DOCK1: variants seen among roughly 807,000 people sequenced by gnomAD.
DOCK1 encodes dedicator of cytokinesis 1.
In DOCK1, 138 loss-of-function variants were observed where a neutral mutation model predicts 262.7. The ratio of observed to expected loss-of-function variants is 0.53; its 90% CI spans 0.46 to 0.61. DOCK1 has a LOEUF of 0.61. Ranked by LOEUF, DOCK1 falls within the 20% of genes least tolerant of loss-of-function variation. The pLI is 0.00. For missense variants in DOCK1, 1,908 were observed against 2,370.7 expected (o/e 0.80, Z 4.05); for synonymous variants, 866 against 867.4 (o/e 1.00, Z 0.03).
At chr10:127,333,058 C>T (rs978701977) in intron 29 of DOCK1, among the ~76,000 whole-genome samples, 3 of 150,808 alleles carry the variant, frequency 2.0e-5, no homozygotes, top group Non-Finnish European at 4.4e-5. Context: ...CATTTTTCTG[C>T]AGGGATGGAG....
At chr10:127,259,550 A>C (rs1448506527) in intron 29 of DOCK1, among the ~76,000 whole-genome samples, 1 of 152,118 alleles carries the variant, frequency 6.6e-6, no homozygotes, top group African/African-American at 2.4e-5. Context: ...CAGGGTGTGG[A>C]GGCGGCCCGT....
chr10:127,142,668 G>T (rs753798840), intron 27 of DOCK1, among the ~76,000 whole-genome samples: 4 of 152,166 alleles, frequency 2.6e-5, no homozygotes, highest in Non-Finnish European at 5.9e-5. Flanking sequence ...AATTCCTGGG[G>T]ACTGTAGGGA....
chr10:127,073,306 C>T (rs912322700), intron 23 of DOCK1, among the ~76,000 whole-genome samples: 1 of 152,104 alleles, frequency 6.6e-6, no homozygotes. Flanking sequence ...CCAACTGATT[C>T]CGAAGTTCAT....
At chr10:127,332,472 C>T (rs368574436) in intron 29 of DOCK1, among the ~76,000 whole-genome samples, 2 of 152,258 alleles carry the variant, frequency 1.3e-5, no homozygotes, top group South Asian at 4.1e-4. Context: ...AGGTCCCTTC[C>T]TCGCTTTAAA....
In DOCK1 at chr10:127,451,363, C is replaced by T. The variant is rs765297075; in HGVS notation, c.5597C>T (p.Pro1866Leu). The T allele has an allele frequency of 7.5e-6, 12 of 1,600,392 alleles. No homozygotes were observed. The highest frequency in any genetic ancestry group is 1.0e-5 in the Non-Finnish European group (12 of 1,173,656). ...HLPPPLPSKT[P>L]PPPPPKTTRK... ...CCACCTCCACTGCCCAGCAAAACTC[C>T]GCCTCCTCCCCCTCCAAAGACAACT... Residue 1866 changes from proline (P) to leucine (L), a missense_variant, in exon 52 of 52, where the codon CCG (proline) becomes CTG (leucine). Physicochemically the swap from Pro to Leu is moderately conservative, Grantham distance 98. This residue lies in a region of DOCK1 where 383 missense variants were observed against 420.1 expected (regional missense o/e 0.91). Coordinates refer to ENST00000623213, the MANE Select transcript of DOCK1 (RefSeq NM_001290223.2).
intron 27 of DOCK1, among the ~76,000 whole-genome samples, chr10:127,218,472 T>G (rs1219376334): frequency 6.6e-6 from 1 of 152,210 alleles, no homozygotes; most frequent in African/African-American, 2.4e-5. Flanking sequence ...AACAGAAGTT[T>G]TCCGACTCCC....
intron 33 of DOCK1, among the ~76,000 whole-genome samples, chr10:127,363,511 T>A (rs2064714877): frequency 6.6e-6 from 1 of 152,066 alleles, no homozygotes; most frequent in African/African-American, 2.4e-5. Context: ...TTATAGCAAT[T>A]CAAGTAAGTC....
At chr10:127,280,023 TATATATATATAA>T (rs1386219818) in intron 29 of DOCK1, among the ~76,000 whole-genome samples, 2 of 142,200 alleles carry the variant, frequency 1.4e-5, no homozygotes, top group African/African-American at 5.2e-5. Flanking sequence ...TATATATATA[TATATATATATAA>T]TTTTTTTTTT....
intron 32 of DOCK1, among the ~76,000 whole-genome samples, chr10:127,360,946 G>C (rs544395356): frequency 1.3e-5 from 2 of 152,058 alleles, no homozygotes; most frequent in Non-Finnish European, 2.9e-5. Flanking sequence ...TCAGTGAGAT[G>C]ATGCTTTATC....
intron 21 of DOCK1, among the ~76,000 whole-genome samples, chr10:127,044,480 C>A (rs529442143): frequency 6.6e-6 from 1 of 152,094 alleles, no homozygotes; most frequent in Non-Finnish European, 1.5e-5. Context: ...GTGGGCATGT[C>A]GAGTAGTTCC....
chr10:127,259,356 T>C (rs181701887), intron 29 of DOCK1, among the ~76,000 whole-genome samples: 3 of 152,362 alleles, frequency 2.0e-5, no homozygotes, highest in African/African-American at 7.2e-5. Context: ...ACTTTTGTGA[T>C]TGACAGTCTA....
At chr10:127,397,109 C>T (rs1215676263) in intron 38 of DOCK1, among the ~76,000 whole-genome samples, 2 of 140,022 alleles carry the variant, frequency 1.4e-5, no homozygotes, top group South Asian at 4.6e-4. Flanking sequence ...ATCAGTTACA[C>T]GGGCGGTGTC....
chr10:127,055,428 G>T (rs2045072828), intron 22 of DOCK1, among the ~76,000 whole-genome samples: 1 of 152,232 alleles, frequency 6.6e-6, no homozygotes, highest in Non-Finnish European at 1.5e-5. Flanking sequence ...CTCATCCCTA[G>T]AAAGTGTCAT....
At chr10:127,208,648 A>T (rs921199350) in intron 27 of DOCK1, among the ~76,000 whole-genome samples, 8 of 152,158 alleles carry the variant, frequency 5.3e-5, no homozygotes, top group African/African-American at 1.4e-4. Context: ...CAGGAAGCCA[A>T]GATTTCAAGA....
chr10:126,961,917 C>T (rs2037253801), intron 1 of DOCK1, among the ~76,000 whole-genome samples: 1 of 152,212 alleles, frequency 6.6e-6, no homozygotes, highest in African/African-American at 2.4e-5. Context: ...GCAGCTACAC[C>T]ATTTTGGAGC....
intron 1 of DOCK1, among the ~76,000 whole-genome samples, chr10:126,964,542 G>A (rs1267893245): frequency 5.3e-5 from 8 of 152,326 alleles, no homozygotes; most frequent in Admixed American, 1.3e-4. Context: ...ATTGAAAAGC[G>A]TTTCCAACTG....
At chr10:127,037,182 A>T (rs2043692716) in intron 18 of DOCK1, among the ~76,000 whole-genome samples, 1 of 152,122 alleles carries the variant, frequency 6.6e-6, no homozygotes, top group Non-Finnish European at 1.5e-5. Flanking sequence ...CCGGAAGCTC[A>T]CTCAGTGCAG....
intron 25 of DOCK1, among the ~76,000 whole-genome samples, chr10:127,125,049 G>A (rs562749474): frequency 3.4e-4 from 51 of 151,330 alleles, no homozygotes; most frequent in Non-Finnish European, 6.6e-4. Flanking sequence ...CCTGGGAGGC[G>A]GAGCTTGCAG....
rs79678261 is a variant in DOCK1 at position 127,407,538 on chromosome 10, C to G, written c.4123-1499C>G. ...TGACCACAGCAGGGATCAATTGATT[C>G]AGTGTCATAGAATCTCTCTTAATCC... is the stretch of plus-strand genomic sequence containing the variant. On this transcript the variant is annotated intron_variant, in intron 40 of 51. Coordinates refer to ENST00000623213, the MANE Select transcript of DOCK1 (RefSeq NM_001290223.2). 2.2e-3 allele frequency among the ~76,000 whole-genome samples: 335 copies of G among 152,304 alleles called. 2 individuals are homozygous for G. Among genetic ancestry groups the G allele is most frequent in the African/African-American group, 7.8e-3 (325 of 41,562 alleles).
Sources: allele counts gnomAD v4.1 joint callset (sites outside exome capture counted in the v4.1 genomes callset), GRCh38; gene constraint gnomAD v4.1.1; regional missense constraint gnomAD v4.1.1; transcripts MANE v1.5; gene names NCBI Gene and HGNC (gene_info 2026-07-23, HGNC 2026-07-21).